IDI1: variants seen among roughly 807,000 people sequenced by gnomAD.
IDI1 encodes isopentenyl-diphosphate Delta-isomerase 1.
In IDI1, 23 loss-of-function variants were observed where a neutral mutation model predicts 32.9. The observed-to-expected ratio is 0.70, with a 90% CI of 0.50 to 0.99. The LOEUF (loss-of-function observed/expected upper bound fraction) is 0.99, where lower values mean the gene tolerates loss of function less well. Among genes scored for constraint, IDI1 ranks in the 50% least tolerant of loss-of-function variants. The probability of loss-of-function intolerance (pLI) is 0.00; values close to 1 mark genes in which losing one functional copy is unlikely to be tolerated. For synonymous variants in IDI1, 133 were observed against 128.2 expected (o/e 1.04, Z -0.25); for missense variants, 326 against 351.9 (o/e 0.93, Z 0.59).
chr10:1,042,896 G>A (rs1832660595), intron 3 of IDI1, 134 bp from the exon 4 acceptor site: 2 of 710,134 alleles, frequency 2.8e-6, no homozygotes, highest in African/African-American at 1.9e-5. Context: ...TGGGCTATCA[G>A]TAATTATTTT....
intron 3 of IDI1, 22 bp from the exon 4 acceptor site, chr10:1,042,784 A>G: frequency 7.5e-6 from 12 of 1,603,824 alleles, no homozygotes; most frequent in Non-Finnish European, 1.0e-5. Flanking sequence ...TAATACAGAG[A>G]CAGATCAACT....
At position 1,048,897 on chromosome 10, in the gene IDI1, C is replaced by A. The variant is rs1202333720; in HGVS notation, c.107G>T (p.Gly36Val). The change falls in exon 1 of 5, where the codon GGA becomes GTA. Residue 36 changes from glycine to valine, a missense_variant. Around this residue, in one of 2 missense-constraint regions of IDI1, gnomAD observed 121 missense variants for 78.4 expected, o/e 1.54. Transcript: ENST00000381344. Reference sequence around the variant, plus strand: ...CCTCCGGCCACAGACAACCGCCGGTCCCGGATGGCGCCCGCTTTGAGCACA... The same window carrying A: ...CCTCCGGCCACAGACAACCGCCGGTACCGGATGGCGCCCGCTTTGAGCACA... ...ADCAQSGRHP[G>V]PAVVCGRRLI... 6.2e-7 allele frequency: 1 copy of A among 1,607,074 alleles called. No homozygotes were observed. The highest frequency in any genetic ancestry group is 8.5e-7 in the Non-Finnish European group (1 of 1,177,962).
At position 1,040,889 on chromosome 10, in the gene IDI1, A is replaced by G. The variant is rs1239428834; in HGVS notation, c.*298T>C. 4 of 233,716 alleles carry G rather than the reference A, an allele frequency of 1.7e-5. No individual in the cohort carries two copies. Among genetic ancestry groups the G allele is most frequent in the African/African-American group, 6.8e-5 (3 of 44,274 alleles). 14.5% of individuals were successfully genotyped at this position (233,716 alleles called of 1,614,324 possible). A position where few individuals can be genotyped will look rare whatever the true frequency, so the allele number is the denominator to read the frequency against. On this transcript the variant is annotated 3_prime_UTR_variant, in exon 5 of 5. Coordinates refer to ENST00000381344, the MANE Select transcript of IDI1 (RefSeq NM_004508.4). ...TTTCACTCATTTGTTCAAATTTCCC[A>G]TAAGTATGTATCTGCAAAGATTAAA... is the stretch of plus-strand genomic sequence containing the variant.
chr10:1,044,349 T>C (rs1832733045), intron 1 of IDI1, 178 bp from the exon 2 acceptor site: 5 of 533,166 alleles, frequency 9.4e-6, no homozygotes, highest in Non-Finnish European at 1.7e-5. Flanking sequence ...TCATTTCTCC[T>C]ACAGGTTTCA....
chr10:1,043,364 A>G lies in IDI1; in HGVS notation c.343T>C (p.Leu115=). ...GLLHRAFSVF[L]FNTENKLLLQ... ...AGAAGCTTATTTTCGGTGTTGAATAAGAAGACACTAAAAGCTCGATGCAAT... is the reference window on the plus strand; with the variant it reads ...AGAAGCTTATTTTCGGTGTTGAATAGGAAGACACTAAAAGCTCGATGCAAT... The change falls in exon 3 of 5, where the codon TTA becomes CTA. Residue 115 remains leucine, a synonymous_variant. Coordinates refer to ENST00000381344, the MANE Select transcript of IDI1 (RefSeq NM_004508.4). 1.2e-6 allele frequency: 2 copies of G among 1,610,196 alleles called. No individual in the cohort carries two copies. Among genetic ancestry groups the G allele is most frequent in the Non-Finnish European group, 1.7e-6 (2 of 1,176,328 alleles).
rs142094872 is a variant in IDI1, at chr10:1,041,951, G to A, written c.538-447C>T. On this transcript the variant is annotated intron_variant, in intron 4 of 4. Coordinates refer to ENST00000381344, the MANE Select transcript of IDI1 (RefSeq NM_004508.4). ...CTCCTGAGTAGCTGGGATTACAGAC[G>A]TGCCGCCCCACCATGCCCAGCTAGT... is the stretch of plus-strand genomic sequence containing the variant. Among the ~76,000 whole-genome samples the A allele has an allele frequency of 5.1e-3, 775 of 151,724 alleles. 3 individuals carry two copies. Among genetic ancestry groups the A allele is most frequent in the African/African-American group, 0.016 (680 of 41,362 alleles).
Position 1,048,891 on chromosome 10 carries a change from GCCGGTC to G in IDI1, c.107_112del (p.Gly36_Pro37del). ...GATCAGCCTCCGGCCACAGACAACC[GCCGGTC>G]CCGGATGGCGCCCGCTTTGAGCACA... On this transcript the variant is annotated inframe_deletion, in exon 1 of 5. Transcript: ENST00000381344. 6.2e-7 allele frequency: 1 copy of G among 1,606,822 alleles called. No homozygotes were observed. The highest frequency in any genetic ancestry group is 8.5e-7 in the Non-Finnish European group (1 of 1,177,854).
At chr10:1,052,405 T>C (rs1025778113), upstream of IDI1, among the ~76,000 whole-genome samples, 2 of 152,234 alleles carry the variant, frequency 1.3e-5, no homozygotes, top group Admixed American at 6.5e-5. Flanking sequence ...CGGGCAGCCA[T>C]AGCCTTACAA....
chr10:1,049,198 A>C, upstream of IDI1: 5 of 938,694 alleles, frequency 5.3e-6, no homozygotes, highest in Non-Finnish European at 7.4e-6. Context: ...GCGTCCCGCG[A>C]CTGGGCGGTG....
the IDI1 span, among the ~76,000 whole-genome samples, chr10:1,055,703 ATAACT>A: frequency 3.7e-5 from 5 of 136,026 alleles, no homozygotes; most frequent in South Asian, 7.2e-4. Flanking sequence ...TAATGCAGAA[ATAACT>A]TCACTTCTTT....
the IDI1 span, among the ~76,000 whole-genome samples, chr10:1,054,476 C>T: frequency 6.6e-6 from 1 of 152,148 alleles, no homozygotes; most frequent in African/African-American, 2.4e-5. Context: ...AAAAATGAGT[C>T]TTAGTAAATT....
upstream of IDI1, among the ~76,000 whole-genome samples, chr10:1,051,749 G>A (rs1456605733): frequency 1.3e-5 from 2 of 152,216 alleles, no homozygotes; most frequent in African/African-American, 4.8e-5. Flanking sequence ...CCTCAATGTT[G>A]ATGGCTGTTG....
chr10:1,048,851 C>G lies in IDI1; in HGVS notation c.140+13G>C. The G allele has an allele frequency of 6.2e-7, 1 of 1,604,804 alleles. No homozygotes were observed. Among genetic ancestry groups the G allele is most frequent in the Non-Finnish European group, 8.5e-7 (1 of 1,176,840 alleles). On this transcript the variant is annotated intron_variant, in intron 1 of 4. Transcript: ENST00000381344. ...GCCCCTGTCTCCCGAACTCCGCCGC[C>G]CGTCCACAGTACCTGATCAGCCTCC...
chr10:1,049,840 G>C (rs1301950784), upstream of IDI1, among the ~76,000 whole-genome samples: 1 of 152,144 alleles, frequency 6.6e-6, no homozygotes, highest in Admixed American at 6.5e-5. Flanking sequence ...TTTTAGTAGA[G>C]ACGGGTTTCC....
chr10:1,047,900 A>G (rs1832844407), intron 1 of IDI1, among the ~76,000 whole-genome samples: 1 of 152,242 alleles, frequency 6.6e-6, no homozygotes, highest in African/African-American at 2.4e-5. Flanking sequence ...ATATTTTATA[A>G]TGTGCAGTTG....
chr10:1,041,164 T>C lies in IDI1; in HGVS notation c.*23A>G. ...TAAGTTTGTTAAGCAGATAAATTTT[T>C]CTGTAATCATTTACCTACATATTCA... On this transcript the variant is annotated 3_prime_UTR_variant, in exon 5 of 5. Coordinates refer to ENST00000381344, the MANE Select transcript of IDI1 (RefSeq NM_004508.4). 7.3e-7 allele frequency: 1 copy of C among 1,372,866 alleles called. No homozygotes were observed. The highest frequency in any genetic ancestry group is 1.0e-6 in the Non-Finnish European group (1 of 992,158). 85.0% of individuals were successfully genotyped at this position (1,372,866 alleles called of 1,614,324 possible).
At chr10:1,041,795 T>G (rs1832600043) in intron 4 of IDI1, among the ~76,000 whole-genome samples, 2 of 146,862 alleles carry the variant, frequency 1.4e-5, no homozygotes, top group South Asian at 2.1e-4. Flanking sequence ...AAATGTGACA[T>G]TCTTCTTTTT....
upstream of IDI1, among the ~76,000 whole-genome samples, chr10:1,051,472 A>C (rs1833012826): frequency 6.6e-6 from 1 of 152,230 alleles, no homozygotes; most frequent in Non-Finnish European, 1.5e-5. Context: ...TTTATCTGTC[A>C]GTTCTTTCCA....
chr10:1,053,543 G>A (rs1035734658), upstream of IDI1, among the ~76,000 whole-genome samples: 5 of 152,156 alleles, frequency 3.3e-5, no homozygotes, highest in African/African-American at 4.8e-5. Flanking sequence ...CTTACCATTT[G>A]TGTATTCACT....
Sources: allele counts gnomAD v4.1 joint callset (sites outside exome capture counted in the v4.1 genomes callset), GRCh38; gene constraint gnomAD v4.1.1; regional missense constraint gnomAD v4.1.1; transcripts MANE v1.5; gene names NCBI Gene and HGNC (gene_info 2026-07-23, HGNC 2026-07-21).